The following ZNF385C variants were observed in gnomAD, a reference collection of about 807,000 sequenced individuals.
The protein encoded by ZNF385C is CTD-2132N18.2.
A neutral mutation model predicts 35.4 loss-of-function variants in ZNF385C; 28 were observed. That is an observed-to-expected ratio of 0.79 (90% confidence interval 0.59 to 1.08). ZNF385C has a LOEUF of 1.08. Ranked by LOEUF, ZNF385C falls within the 50% of genes least tolerant of loss-of-function variation. The pLI is 0.00. For missense variants in ZNF385C, 605 were observed against 595.6 expected (o/e 1.02, Z -0.16); for synonymous variants, 248 against 248.2 (o/e 1.00, Z 0.01).
intron 1 of ZNF385C, among the ~76,000 whole-genome samples, chr17:42,063,964 G>A (rs1362870548): frequency 6.6e-6 from 1 of 152,068 alleles, no homozygotes; most frequent in African/African-American, 2.4e-5. Context: ...GGCAACCGAG[G>A]CCGAGGCAAC....
chr17:42,070,391 C>T (rs782670748), intron 1 of ZNF385C, among the ~76,000 whole-genome samples: 2 of 152,090 alleles, frequency 1.3e-5, no homozygotes, highest in Non-Finnish European at 2.9e-5. Context: ...GGATTGGGCT[C>T]CTAGGTCCTT....
chr17:42,098,084 C>T (rs1394201665), intron 1 of ZNF385C, among the ~76,000 whole-genome samples: 1 of 152,190 alleles, frequency 6.6e-6, no homozygotes, highest in Non-Finnish European at 1.5e-5. Context: ...AACGAGGTTC[C>T]TTACTCCGGA....
chr17:42,085,089 G>A (rs2053792302), intron 1 of ZNF385C, among the ~76,000 whole-genome samples: 1 of 152,108 alleles, frequency 6.6e-6, no homozygotes, highest in African/African-American at 2.4e-5. Context: ...CTGAGGCCAG[G>A]AGTTCGAGAC....
intron 6 of ZNF385C, 76 bp downstream of exon 6, chr17:42,028,707 C>G: frequency 1.4e-6 from 2 of 1,478,776 alleles, no homozygotes; most frequent in Middle Eastern, 2.0e-4. Context: ...CCCAGGAACT[C>G]AAGCCTGCCC....
intron 5 of ZNF385C, among the ~76,000 whole-genome samples, chr17:42,030,762 G>C (rs977461548): frequency 6.6e-6 from 1 of 152,134 alleles, no homozygotes; most frequent in African/African-American, 2.4e-5. Context: ...GGGTGGGATT[G>C]ATCTAGTGAC....
chr17:42,077,683 T>C (rs2053699418), intron 1 of ZNF385C, among the ~76,000 whole-genome samples: 1 of 152,140 alleles, frequency 6.6e-6, no homozygotes. Flanking sequence ...AGCCAGCAGC[T>C]TCCCTGCTCG....
Position 42,025,900 on chromosome 17 carries a change from G to A in ZNF385C, c.*997C>T, listed in dbSNP as rs782666589. 1 of 152,228 alleles carries A rather than the reference G, an allele frequency of 6.6e-6. No homozygotes were observed. Among genetic ancestry groups the A allele is most frequent in the Non-Finnish European group, 1.5e-5 (1 of 68,116 alleles). The allele number at this position is 152,228 out of a possible 1,614,324, so 9.4% of individuals were successfully genotyped here. A position where few individuals can be genotyped will look rare whatever the true frequency, so the allele number is the denominator to read the frequency against. On this transcript the variant is annotated 3_prime_UTR_variant, in exon 9 of 9. Transcript: ENST00000692273. ...GAAGGGAAAGCTGAATTTAGTGCTA[G>A]GACCAGTTTGGAGTGGGAAGCTGTA... is the stretch of plus-strand genomic sequence containing the variant.
chr17:42,095,070 G>C lies in ZNF385C; in HGVS notation c.-3+3340C>G, dbSNP rs2053903711. Reference sequence around the variant, plus strand: ...AGTGCAGGCGGGCATGCGTACCTGAGTGAGTTTGTGAGTGTCTGTACACGT... The same window carrying C: ...AGTGCAGGCGGGCATGCGTACCTGACTGAGTTTGTGAGTGTCTGTACACGT... On this transcript the variant is annotated intron_variant, in intron 1 of 8. Coordinates refer to ENST00000692273, the MANE Select transcript of ZNF385C (RefSeq NM_001392013.1). This position sits in a 1 kb window ranked among gnomAD's most constrained non-coding sequence, Gnocchi z 4.4. Among the ~76,000 whole-genome samples, 1 of 152,140 alleles carries C rather than the reference G, an allele frequency of 6.6e-6. No individual in the cohort carries two copies. Among genetic ancestry groups the C allele is most frequent in the Admixed American group, 6.5e-5 (1 of 15,278 alleles).
chr17:42,036,080 C>T lies in ZNF385C; in HGVS notation c.399+1657G>A, dbSNP rs540391772. 2.0e-4 allele frequency among the ~76,000 whole-genome samples: 31 copies of T among 152,216 alleles called. No individual in the cohort carries two copies. In the East Asian group the frequency reaches 5.2e-3, roughly 26 times the overall value. ...GGCGGAGCCAAAATCTTGCAACCTCCGCTTCCTGGGCTCAAGCGATTCTCC... is the reference window on the plus strand; with the variant it reads ...GGCGGAGCCAAAATCTTGCAACCTCTGCTTCCTGGGCTCAAGCGATTCTCC... On this transcript the variant is annotated intron_variant, in intron 3 of 8. Coordinates refer to ENST00000692273, the MANE Select transcript of ZNF385C (RefSeq NM_001392013.1).
intron 2 of ZNF385C, among the ~76,000 whole-genome samples, chr17:42,051,428 G>C (rs1435317132): frequency 1.3e-5 from 2 of 152,098 alleles, no homozygotes; most frequent in Non-Finnish European, 2.9e-5. Flanking sequence ...CAGACGTGGA[G>C]GTGTGGAGTC....
intron 2 of ZNF385C, among the ~76,000 whole-genome samples, chr17:42,055,216 G>C (rs2053354406): frequency 6.6e-6 from 1 of 152,224 alleles, no homozygotes; most frequent in South Asian, 2.1e-4. Context: ...CCTGAAAACA[G>C]GTTTGTTAGG....
intron 1 of ZNF385C, among the ~76,000 whole-genome samples, chr17:42,077,641 G>A (rs1427821763): frequency 3.3e-5 from 5 of 152,182 alleles, no homozygotes; most frequent in Admixed American, 3.3e-4. Context: ...CTGTAACAAA[G>A]GGACTCAGGC....
intron 2 of ZNF385C, among the ~76,000 whole-genome samples, chr17:42,054,067 G>A (rs1555657358): frequency 2.0e-5 from 3 of 152,140 alleles, no homozygotes; most frequent in Non-Finnish European, 4.4e-5. Flanking sequence ...CCAACCACAG[G>A]TGGAAAGAAC....
At chr17:42,079,739 G>A (rs1164130774) in intron 1 of ZNF385C, among the ~76,000 whole-genome samples, 2 of 152,126 alleles carry the variant, frequency 1.3e-5, no homozygotes, top group African/African-American at 4.8e-5. Context: ...TGTGAGGGAT[G>A]ATGTCATTAG....
At chr17:42,042,726 G>T in intron 2 of ZNF385C, 1 of 828,842 alleles carries the variant, frequency 1.2e-6, no homozygotes, top group Non-Finnish European at 1.6e-6. Flanking sequence ...AGATATGAAT[G>T]AAATGCCCTA....
At chr17:42,046,083 C>G (rs368924510) in intron 2 of ZNF385C, among the ~76,000 whole-genome samples, 12 of 152,220 alleles carry the variant, frequency 7.9e-5, no homozygotes, top group African/African-American at 2.9e-4. Flanking sequence ...TTCTGCCATG[C>G]TGATCCCCAC....
intron 2 of ZNF385C, among the ~76,000 whole-genome samples, chr17:42,059,933 G>A (rs1279656593): frequency 6.6e-6 from 1 of 152,150 alleles, no homozygotes; most frequent in African/African-American, 2.4e-5. Context: ...TGGAGCTGTG[G>A]TCTTTTCTCC....
chr17:42,034,182 G>T, intron 4 of ZNF385C, 43 bp downstream of exon 4: 1 of 1,485,732 alleles, frequency 6.7e-7, no homozygotes, highest in Non-Finnish European at 9.2e-7. Flanking sequence ...CCCTCTCCCT[G>T]CCCAGCCCCC....
intron 1 of ZNF385C, among the ~76,000 whole-genome samples, chr17:42,083,489 G>A (rs2053771235): frequency 1.3e-5 from 2 of 152,052 alleles, no homozygotes; most frequent in Admixed American, 1.3e-4. Flanking sequence ...TTACAGGCAT[G>A]AGCCACCGCG....
Sources: allele counts gnomAD v4.1 joint callset (sites outside exome capture counted in the v4.1 genomes callset), GRCh38; gene constraint gnomAD v4.1.1; non-coding constraint Gnocchi (gnomAD v3.1); transcripts MANE v1.5; gene names NCBI Gene and HGNC (gene_info 2026-07-23, HGNC 2026-07-21).